The following ERAP1 variants were observed in gnomAD, a reference collection of about 807,000 sequenced individuals.
ERAP1 encodes endoplasmic reticulum aminopeptidase 1.
Under a neutral mutation model 103.7 loss-of-function variants are expected in ERAP1, and 86 were observed. The ratio of observed to expected loss-of-function variants is 0.83; its 90% CI spans 0.70 to 0.99. The LOEUF (loss-of-function observed/expected upper bound fraction) is 0.99, where lower values mean the gene tolerates loss of function less well. Among genes scored for constraint, ERAP1 ranks in the 50% least tolerant of loss-of-function variants. ERAP1 has a pLI of 0.00. For synonymous variants in ERAP1, 398 were observed against 402.4 expected, an observed-to-expected ratio of 0.99 and a Z score of 0.13; for missense variants, 1,009 against 1,128.4, an observed-to-expected ratio of 0.89 and a Z score of 1.52.
At chr5:96,901,767 C>A in the ERAP1 span, 1 of 1,356,174 alleles carries the variant, frequency 7.4e-7, no homozygotes, top group Non-Finnish European at 1.0e-6. Context: ...CATCTGGCAA[C>A]TTTGTAGGAT....
Position 96,775,373 on chromosome 5 carries a change from A to C in ERAP1, c.*1023T>G. On this transcript the variant is annotated 3_prime_UTR_variant, in exon 19 of 19. Coordinates refer to ENST00000443439, the MANE Select transcript of ERAP1 (RefSeq NM_001040458.3). ...TTGGTGACTGCAATAATTTACTGTCAGTAAATGCCAATAACTAGTTAGTTA... is the reference window on the plus strand; with the variant it reads ...TTGGTGACTGCAATAATTTACTGTCCGTAAATGCCAATAACTAGTTAGTTA... The C allele has an allele frequency of 1.0e-6, 1 of 984,312 alleles. No homozygotes were observed. Among genetic ancestry groups the C allele is most frequent in the Non-Finnish European group, 1.2e-6 (1 of 829,180 alleles). 61.0% of individuals were successfully genotyped at this position (984,312 alleles called of 1,614,324 possible).
chr5:96,807,693 G>T (rs1561298748), intron 1 of ERAP1, among the ~76,000 whole-genome samples, 167 bp downstream of exon 1: 1 of 151,822 alleles, frequency 6.6e-6, no homozygotes, highest in Non-Finnish European at 1.5e-5. Context: ...TTCCTCCCGC[G>T]CCCCGTCGCC....
At position 96,786,539 on chromosome 5, in the gene ERAP1, G is replaced by A; in HGVS notation, c.1690C>T (p.His564Tyr). The change falls in exon 12 of 19, where the codon CAT becomes TAT. Residue 564 changes from histidine to tyrosine, a missense_variant. This residue lies in a region of ERAP1 where 611 missense variants were observed against 651.7 expected (regional missense o/e 0.94). Coordinates refer to ENST00000443439, the MANE Select transcript of ERAP1 (RefSeq NM_001040458.3). ...DGAPDTGYLW[H>Y]VPLTFITSKS... ...CTGGTGATGAATGTCAATGGAACAT[G>A]CCACAGGTACCTAAAATAAAGGAGA... The A allele has an allele frequency of 6.2e-7, 1 of 1,609,964 alleles. No individual in the cohort carries two copies. The highest frequency in any genetic ancestry group is 8.5e-7 in the Non-Finnish European group (1 of 1,176,422).
At chr5:96,768,729 T>G (rs972282261) in intron 19 of ERAP1, among the ~76,000 whole-genome samples, 1 of 152,210 alleles carries the variant, frequency 6.6e-6, no homozygotes, top group Non-Finnish European at 1.5e-5. Context: ...TGGAGCTTCC[T>G]CCCCTTTTCT....
At chr5:96,913,566 A>G in the ERAP1 span, 1 of 1,299,944 alleles carries the variant, frequency 7.7e-7, no homozygotes, top group Non-Finnish European at 1.1e-6. Context: ...TACCATTTGT[A>G]TCCAAATAGT....
chr5:96,824,372 TC>T, the ERAP1 span, among the ~76,000 whole-genome samples: 3 of 152,214 alleles, frequency 2.0e-5, no homozygotes, highest in Non-Finnish European at 4.4e-5. Flanking sequence ...TTCAAAGGTC[TC>T]TTCTGCTGGC....
chr5:96,899,133 C>T, the ERAP1 span, among the ~76,000 whole-genome samples: 4 of 152,146 alleles, frequency 2.6e-5, no homozygotes, highest in African/African-American at 9.7e-5. Flanking sequence ...ATAAAGTAAT[C>T]ATCATTACTC....
At chr5:96,918,459 G>C in the ERAP1 span, 1 of 152,184 alleles carries the variant, frequency 6.6e-6, no homozygotes, top group Admixed American at 6.5e-5. Context: ...TATCAAGAAG[G>C]CCAGGAAGGC....
At chr5:96,901,807 A>AAT in the ERAP1 span, 1 of 912,188 alleles carries the variant, frequency 1.1e-6, no homozygotes, top group East Asian at 2.6e-5. Context: ...CAAAGGCCTA[A>AAT]AGTAGACTTG....
the ERAP1 span, among the ~76,000 whole-genome samples, chr5:96,835,586 G>A: frequency 6.6e-6 from 1 of 152,078 alleles, no homozygotes; most frequent in African/African-American, 2.4e-5. Context: ...TGATTGTTTT[G>A]TTGTATATTA....
chr5:96,873,243 C>T, the ERAP1 span: 1 of 409,574 alleles, frequency 2.4e-6, no homozygotes, highest in South Asian at 1.7e-5. Flanking sequence ...ACAATAAAGT[C>T]TCATCTCTTT....
At chr5:96,855,280 T>C in the ERAP1 span, among the ~76,000 whole-genome samples, 5 of 152,332 alleles carry the variant, frequency 3.3e-5, no homozygotes, top group Non-Finnish European at 7.3e-5. Flanking sequence ...CCTTATTTCC[T>C]ATTAAAAAAC....
At chr5:96,915,907 T>C in the ERAP1 span, 3 of 620,550 alleles carry the variant, frequency 4.8e-6, no homozygotes. Flanking sequence ...ATATAGCAAG[T>C]AAATGGAAGG....
the ERAP1 span, among the ~76,000 whole-genome samples, chr5:96,931,557 T>A: frequency 6.6e-6 from 1 of 152,222 alleles, no homozygotes; most frequent in Non-Finnish European, 1.5e-5. Context: ...CATGAAAGAA[T>A]GCTCTAGTAG....
At chr5:96,895,179 A>ATT in the ERAP1 span, 464,592 of 932,896 alleles carry the variant, frequency 0.5, 118,652 homozygotes, top group Middle Eastern at 0.59. Context: ...TAACTATTGT[A>ATT]TTTTTTGCTA....
the ERAP1 span, chr5:96,901,436 G>T: frequency 1.3e-6 from 2 of 1,518,308 alleles, no homozygotes; most frequent in East Asian, 2.3e-5. Flanking sequence ...CAAGGAGATG[G>T]AAGTTTCTGT....
At chr5:96,794,089 C>T (rs1326015795) in intron 5 of ERAP1, 132 bp from the exon 6 acceptor site, 10 of 830,910 alleles carry the variant, frequency 1.2e-5, no homozygotes, top group South Asian at 4.4e-5. Context: ...CTGGAAGAAC[C>T]TTTCACAATG....
At chr5:96,916,253 AC>A in the ERAP1 span, among the ~76,000 whole-genome samples, 2 of 151,452 alleles carry the variant, frequency 1.3e-5, no homozygotes, top group East Asian at 1.9e-4. Context: ...AAAACAAAAA[AC>A]AACAGCAAAA....
At chr5:96,913,700 C>T in the ERAP1 span, among the ~76,000 whole-genome samples, 5 of 152,330 alleles carry the variant, frequency 3.3e-5, no homozygotes, top group Admixed American at 1.3e-4. Flanking sequence ...AAACCACTGG[C>T]ATCAAGTCCG....
Sources: gnomAD v4.1 joint callset for allele counts (sites outside exome capture counted in the v4.1 genomes callset) on GRCh38, gnomAD v4.1.1 for gene constraint, gnomAD v4.1.1 regional missense constraint, MANE v1.5 for transcripts, NCBI Gene and HGNC (gene_info 2026-07-23, HGNC 2026-07-21) for gene names.